The following DCHS2 variants were observed in gnomAD, a reference collection of about 807,000 sequenced individuals.
DCHS2 encodes the protein dachsous cadherin-related 2.
DCHS2 carries 142 observed loss-of-function variants against 182.4 expected under a neutral mutation model. The observed-to-expected ratio is 0.78, with a 90% confidence interval of 0.68 to 0.89. The LOEUF (loss-of-function observed/expected upper bound fraction) is 0.89, where lower values mean the gene tolerates loss of function less well. Ranked by LOEUF, DCHS2 falls within the 40% of genes least tolerant of loss-of-function variation. The probability of loss-of-function intolerance (pLI) is 0.00; values close to 1 mark genes in which losing one functional copy is unlikely to be tolerated. For missense variants in DCHS2, 4,319 were observed against 4,198.6 expected (o/e 1.03, Z -0.79); for synonymous variants, 1,740 against 1,663.3 (o/e 1.05, Z -1.12).
intron 1 of DCHS2, among the ~76,000 whole-genome samples, chr4:154,416,660 C>G (rs1489605558): frequency 6.6e-6 from 1 of 152,128 alleles, no homozygotes; most frequent in African/African-American, 2.4e-5. Flanking sequence ...AAGCAACCAA[C>G]TTGGTACCAC....
chr4:154,411,772 T>G (rs1266494677), intron 1 of DCHS2, among the ~76,000 whole-genome samples: 1 of 152,198 alleles, frequency 6.6e-6, no homozygotes, highest in Non-Finnish European at 1.5e-5. Flanking sequence ...TGTTAATTTG[T>G]TCCACTACAG....
In DCHS2 at chr4:154,234,835, A is replaced by T; in HGVS notation, c.9817T>A (p.Ser3273Thr). 1 of 1,613,876 alleles carries T rather than the reference A, an allele frequency of 6.2e-7. No homozygotes were observed. Among genetic ancestry groups the T allele is most frequent in the Non-Finnish European group, 8.5e-7 (1 of 1,179,916 alleles). ...ATCAAAGGGGGTGGAAAAACAAAAGATTTCTTCTCTTTTGGAATGCCAGGC... is the reference window on the plus strand; with the variant it reads ...ATCAAAGGGGGTGGAAAAACAAAAGTTTTCTTCTCTTTTGGAATGCCAGGC... ...HMPGIPKEKK[S>T]FVFPPPLITA... The change falls in exon 20 of 20, where the codon TCT (serine) becomes ACT (threonine). Residue 3273 changes from serine to threonine, a missense_variant. By Grantham distance (58) the Ser-to-Thr change is moderately conservative. Transcript: ENST00000357232.
intron 1 of DCHS2, among the ~76,000 whole-genome samples, chr4:154,447,247 G>A (rs1734339576): frequency 6.6e-6 from 1 of 152,124 alleles, no homozygotes; most frequent in Non-Finnish European, 1.5e-5. Context: ...AGCTGAGATT[G>A]TGCCACTGTG....
At chr4:154,272,965 C>T (rs1367037277) in intron 13 of DCHS2, among the ~76,000 whole-genome samples, 4 of 152,084 alleles carry the variant, frequency 2.6e-5, no homozygotes, top group Admixed American at 2.6e-4. Context: ...TCCTCAGAAA[C>T]TTCCTCATAG....
rs72440696 is a variant in DCHS2 at position 154,389,516 on chromosome 4, T to TTATATATATA, written c.2053-12082_2053-12073dup. ...TATGTTCTATTCCTAAAGACAAAGGTTATATATATATATATATATAACCTT... is the reference window on the plus strand; with the variant it reads ...TATGTTCTATTCCTAAAGACAAAGGTTATATATATATATATATATATATATATATAACCTT... On this transcript the variant is annotated intron_variant, in intron 1 of 19. Transcript: ENST00000357232. 7.6e-4 allele frequency among the ~76,000 whole-genome samples: 85 copies of TTATATATATA among 111,186 alleles called. 6 individuals are homozygous for TTATATATATA. Among genetic ancestry groups the TTATATATATA allele is most frequent in the Middle Eastern group, 5.7e-3 (1 of 176 alleles). 72.9% of individuals were successfully genotyped at this position (111,186 alleles called of 152,430 possible).
At chr4:154,432,083 C>T (rs1232368593) in intron 1 of DCHS2, among the ~76,000 whole-genome samples, 1 of 152,296 alleles carries the variant, frequency 6.6e-6, no homozygotes, top group Non-Finnish European at 1.5e-5. Context: ...TATCTCTCGA[C>T]TATGGGAAAT....
intron 13 of DCHS2, among the ~76,000 whole-genome samples, chr4:154,288,466 G>A (rs1246503753): frequency 6.6e-6 from 1 of 152,070 alleles, no homozygotes; most frequent in Non-Finnish European, 1.5e-5. Context: ...TACAATAATA[G>A]CTGAAGACTT....
At chr4:154,346,510 T>TAAC (rs10637322) in intron 3 of DCHS2, among the ~76,000 whole-genome samples, 151,198 of 151,978 alleles carry the variant, frequency 0.99, 75,234 homozygotes, top group Middle Eastern at 1. Flanking sequence ...GTGCCTTTGG[T>TAAC]AACATGTCCT....
At chr4:154,247,247 C>A (rs528032022) in intron 16 of DCHS2, among the ~76,000 whole-genome samples, 1 of 151,982 alleles carries the variant, frequency 6.6e-6, no homozygotes, top group Non-Finnish European at 1.5e-5. Context: ...GAGGCTGAGG[C>A]GGGTGGATCA....
In DCHS2 at chr4:154,489,919, C is replaced by A. The variant is rs1156292492; in HGVS notation, c.1437G>T (p.Ala479=). The A allele has an allele frequency of 3.3e-6, 5 of 1,538,134 alleles. No individual in the cohort carries two copies. The South Asian group carries it at 6.0e-5, about 19-fold the overall frequency. The change falls in exon 1 of 20, where the codon GCG becomes GCT. Residue 479 remains alanine, a synonymous_variant. Transcript: ENST00000357232. ...LSLEGGEGDF[A]LLPGGPPGVF... is the part of the protein sequence containing the mutation. ...CCCCTGGGGGGCCGCCGGGTAGCAA[C>A]GCGAAGTCTCCCTCTCCGCCTTCCA...
intron 1 of DCHS2, among the ~76,000 whole-genome samples, chr4:154,410,470 CAAAA>C (rs61280673): frequency 4.3e-5 from 3 of 70,348 alleles, no homozygotes; most frequent in Non-Finnish European, 8.5e-5. Context: ...ACCCAGAGGG[CAAAA>C]AAAAAAAAAA....
chr4:154,240,799 G>A lies in DCHS2; in HGVS notation c.7097C>T (p.Thr2366Ile). 2.5e-6 allele frequency: 4 copies of A among 1,613,742 alleles called. No individual in the cohort carries two copies. The highest frequency in any genetic ancestry group is 3.4e-6 in the Non-Finnish European group (4 of 1,179,858). Residue 2366 changes from threonine to isoleucine, a missense_variant, in exon 18 of 20, where the codon ACT becomes ATT. Coordinates refer to ENST00000357232, the MANE Select transcript of DCHS2 (RefSeq NM_001358235.2). ...TEDSLPGVIV[T>I]HVSVHDVDLN... Reference sequence around the variant, plus strand: ...ATCCACATCATGAACTGACACATGAGTCACAATTACACCAGGCAAAGAATC... The same window carrying A: ...ATCCACATCATGAACTGACACATGAATCACAATTACACCAGGCAAAGAATC...
chr4:154,373,803 C>T, intron 2 of DCHS2: 1 of 789,860 alleles, frequency 1.3e-6, no homozygotes, highest in Non-Finnish European at 2.1e-6. Context: ...AAATCACAGC[C>T]AAGATGGAGA....
intron 13 of DCHS2, among the ~76,000 whole-genome samples, chr4:154,289,655 A>G (rs1027406875): frequency 6.6e-6 from 1 of 152,096 alleles, no homozygotes; most frequent in Non-Finnish European, 1.5e-5. Flanking sequence ...AGTAAAGGCC[A>G]TATCTCTGAT....
intron 3 of DCHS2, among the ~76,000 whole-genome samples, chr4:154,342,123 G>A (rs781629284): frequency 6.6e-6 from 1 of 151,984 alleles, no homozygotes; most frequent in Non-Finnish European, 1.5e-5. Flanking sequence ...AAAAAGTTAT[G>A]TTTACACTAT....
rs989031480 is a variant in DCHS2 at position 154,491,574 on chromosome 4, T to G, written c.-219A>C. ...GACAGGGAAGTAAGCTCTAGCTGCC[T>G]CTGCCGCGGCAGCCACCTCTTCTGC... On this transcript the variant is annotated 5_prime_UTR_variant, in exon 1 of 20. Coordinates refer to ENST00000357232, the MANE Select transcript of DCHS2 (RefSeq NM_001358235.2). The G allele has an allele frequency of 1.1e-5, 15 of 1,349,688 alleles. No homozygotes were observed. The highest frequency in any genetic ancestry group is 1.1e-4 in the South Asian group (5 of 45,684). 83.6% of individuals were successfully genotyped at this position (1,349,688 alleles called of 1,614,324 possible).
chr4:154,479,956 T>C (rs145709260), intron 1 of DCHS2, among the ~76,000 whole-genome samples: 61 of 152,294 alleles, frequency 4.0e-4, no homozygotes, highest in African/African-American at 1.3e-3. Flanking sequence ...CTCTGAAATA[T>C]TGTGTTCTTG....
intron 5 of DCHS2, chr4:154,331,619 A>T (rs1174431176): frequency 9.9e-6 from 16 of 1,613,486 alleles, no homozygotes; most frequent in African/African-American, 9.3e-5. Context: ...TTGAGAACAA[A>T]GGCTTGAAGT....
Position 154,394,332 on chromosome 4 carries a change from C to T in DCHS2, c.2053-16888G>A, listed in dbSNP as rs1175281703. Among the ~76,000 whole-genome samples, 3 of 152,128 alleles carry T rather than the reference C, an allele frequency of 2.0e-5. No homozygotes were observed. The South Asian group carries it at 6.2e-4, about 31-fold the overall frequency. On this transcript the variant is annotated intron_variant, in intron 1 of 19. Coordinates refer to ENST00000357232, the MANE Select transcript of DCHS2 (RefSeq NM_001358235.2). ...TCAGTGCAAAGGGATTACAGCTGGT[C>T]ATTAGGCACAAGGCCCCCCTCAGGA...
Sources: gnomAD v4.1 joint callset for allele counts (sites outside exome capture counted in the v4.1 genomes callset) on GRCh38, gnomAD v4.1.1 for gene constraint, MANE v1.5 for transcripts, NCBI Gene and HGNC (gene_info 2026-07-23, HGNC 2026-07-21) for gene names.